Variants in BCOR observed in about 807,000 individuals in gnomAD.
The protein encoded by BCOR is BCL6 corepressor, also known as BCL-6 corepressor.
Under a neutral mutation model 86.7 loss-of-function variants are expected in BCOR, and 10 were observed. That is an observed-to-expected ratio of 0.12 (90% CI 0.07 to 0.20). The LOEUF is 0.20. Ranked by LOEUF, BCOR falls within the 10% of genes least tolerant of loss-of-function variation. BCOR has a pLI of 1.00. For missense variants in BCOR, 1,259 were observed against 1,452.1 expected, an observed-to-expected ratio of 0.87 and a Z score of 2.16; for synonymous variants, 611 against 609.0, an observed-to-expected ratio of 1.00 and a Z score of -0.05.
chrX:40,113,287 G>T (rs1473356924), intron 1 of BCOR, among the ~76,000 whole-genome samples: 3 of 107,032 alleles, frequency 2.8e-5, no homozygotes, highest in African/African-American at 6.8e-5. Flanking sequence ...CACGCCTGTA[G>T]TCCCAGCTAC....
At chrX:40,125,647 C>T (rs1426210215) in intron 1 of BCOR, among the ~76,000 whole-genome samples, 1 of 112,218 alleles carries the variant, frequency 8.9e-6, no homozygotes, top group Non-Finnish European at 1.9e-5. Context: ...CCACCTGAAG[C>T]CCCAAACATT....
chrX:40,113,748 C>T (rs759260431), intron 1 of BCOR, among the ~76,000 whole-genome samples: 1 of 109,873 alleles, frequency 9.1e-6, no homozygotes, highest in Non-Finnish European at 1.9e-5. Context: ...GTGCTCACCA[C>T]ATATTGATGA....
At chrX:40,160,847 TG>T (rs1938401761) in intron 1 of BCOR, among the ~76,000 whole-genome samples, 2 of 103,981 alleles carry the variant, frequency 1.9e-5, no homozygotes, top group African/African-American at 7.0e-5. Context: ...TTTTTTTTTT[TG>T]TATTTTAGTA....
intron 14 of BCOR, among the ~76,000 whole-genome samples, 155 bp from the exon 15 acceptor site, chrX:40,052,555 A>ATTTT (rs1314879202): frequency 2.1e-5 from 1 of 47,778 alleles, no homozygotes; most frequent in African/African-American, 8.3e-5. Context: ...TCTGATCACC[A>ATTTT]TTTTTTTTTT....
intron 1 of BCOR, among the ~76,000 whole-genome samples, chrX:40,080,333 C>T (rs753341643): frequency 9.0e-4 from 99 of 110,501 alleles, no homozygotes; most frequent in Middle Eastern, 4.6e-3. Context: ...CCCAGCTACT[C>T]GGGAGGCTGA....
chrX:40,109,140 G>A (rs1336325730), intron 1 of BCOR, among the ~76,000 whole-genome samples: 1 of 112,068 alleles, frequency 8.9e-6, no homozygotes, highest in African/African-American at 3.2e-5. Flanking sequence ...CCCGGGCTGC[G>A]CGCCAAGAGG....
rs1569182584 is a variant in BCOR at position 40,110,661 on chromosome X, C to CTTTTTTTTTTTTTTTTTTTT, written c.-40-32693_-40-32692insAAAAAAAAAAAAAAAAAAAA. Among the ~76,000 whole-genome samples, 3 of 24,672 alleles carry CTTTTTTTTTTTTTTTTTTTT rather than the reference C, an allele frequency of 1.2e-4. 1 individual carries two copies. The highest frequency in any genetic ancestry group is 1.3e-3 in the Admixed American group (2 of 1,582). The allele number at this position is 24,672 out of a possible 115,157, so 21.4% of individuals were successfully genotyped here. A position where few individuals can be genotyped will look rare whatever the true frequency, so the allele number is the denominator to read the frequency against. ...TTTCTTTTCTTTTTTTTCTTTTTTC[C>CTTTTTTTTTTTTTTTTTTTT]TTTTTCTTTTTTTTTTTTTTTTTTT... On this transcript the variant is annotated intron_variant, in intron 1 of 14. Coordinates refer to the BCOR transcript ENST00000342274.
intron 1 of BCOR, among the ~76,000 whole-genome samples, chrX:40,108,319 C>T (rs917952107): frequency 8.8e-6 from 1 of 113,215 alleles, no homozygotes; most frequent in Non-Finnish European, 1.9e-5. Context: ...TCCCCGGCGA[C>T]CCCCGCTCTC....
chrX:40,117,259 G>C (rs938145642), intron 1 of BCOR, among the ~76,000 whole-genome samples: 2 of 111,496 alleles, frequency 1.8e-5, no homozygotes, highest in Non-Finnish European at 3.8e-5. Flanking sequence ...CCCTGAAAGC[G>C]TCCCAGGTGT....
At position 40,146,228 on chromosome X, in the gene BCOR, TCCGCTCCCGCGGAGGCGCGGAG is replaced by T. The variant is rs749620860; in HGVS notation, c.-41+30757_-41+30778del. On this transcript the variant is annotated intron_variant, in intron 1 of 14. Transcript: ENST00000342274. The stretch of plus-strand genomic sequence containing the variant: ...TGGGCGCGGAGGCGGGGCGCGGGGC[TCCGCTCCCGCGGAGGCGCGGAG>T]CCGGGGCTGGGGAGCCCGGTGCCTC... 9.9e-4 allele frequency among the ~76,000 whole-genome samples: 110 copies of T among 111,125 alleles called. 4 individuals are homozygous for T. In the East Asian group the frequency reaches 0.019, roughly 20 times the overall value.
intron 1 of BCOR, among the ~76,000 whole-genome samples, chrX:40,139,456 C>T (rs4073689): frequency 0.047 from 32 of 681 alleles, 4 homozygotes; most frequent in South Asian, 0.17. Flanking sequence ...AATATATATA[C>T]ATATATATAT....
chrX:40,140,514 G>A (rs1937899637), intron 1 of BCOR, among the ~76,000 whole-genome samples: 1 of 111,885 alleles, frequency 8.9e-6, no homozygotes, highest in Non-Finnish European at 1.9e-5. Flanking sequence ...TATGCCTGAG[G>A]AGTAATACCA....
intron 6 of BCOR, 95 bp from the exon 7 acceptor site, chrX:40,064,694 T>G: frequency 2.0e-6 from 2 of 991,180 alleles, no homozygotes; most frequent in South Asian, 4.2e-5. Context: ...ATGCCCAAGG[T>G]AATCTGCTAT....
Position 40,063,677 on chromosome X carries a change from T to C in BCOR, c.3778A>G (p.Lys1260Glu). The change falls in exon 8 of 15, where the codon AAA becomes GAA. Residue 1260 changes from lysine (K) to glutamate (E), a missense_variant. Physicochemically the swap from Lys to Glu is moderately conservative, Grantham distance 56. Coordinates refer to ENST00000378444, the MANE Select transcript of BCOR (RefSeq NM_001123385.2). The part of the protein sequence containing the change: ...TNITEEKPGR[K>E]RAEAKGNRSW... The stretch of plus-strand genomic sequence containing the variant: ...CTGTTGCCTTTGGCCTCTGCCCTTT[T>C]CCTGCCAGGTTTCTCTTCAGTGATG... The C allele has an allele frequency of 8.3e-7, 1 of 1,211,608 alleles. No individual in the cohort carries two copies. The highest frequency in any genetic ancestry group is 1.1e-6 in the Non-Finnish European group (1 of 895,352).
At chrX:40,151,306 G>GA (rs763011525) in intron 1 of BCOR, among the ~76,000 whole-genome samples, 1 of 112,431 alleles carries the variant, frequency 8.9e-6, no homozygotes, top group Non-Finnish European at 1.9e-5. Flanking sequence ...AGGGAGGGGG[G>GA]ATCTTTCTGC....
chrX:40,064,242 G>A (rs980762088), intron 7 of BCOR, 94 bp downstream of exon 7: 42 of 1,141,851 alleles, frequency 3.7e-5, no homozygotes, highest in Middle Eastern at 3.2e-4. Flanking sequence ...GTCTACGGGG[G>A]CAGCGCGCCG....
intron 1 of BCOR, among the ~76,000 whole-genome samples, chrX:40,136,042 A>G (rs754079744): frequency 8.9e-6 from 1 of 112,003 alleles, no homozygotes; most frequent in Non-Finnish European, 1.9e-5. Context: ...CACCGATGTC[A>G]GGCCACATGA....
intron 2 of BCOR, chrX:40,077,550 CATTT>C: frequency 2.9e-6 from 1 of 344,421 alleles, no homozygotes; most frequent in Non-Finnish European, 5.1e-6. Context: ...ACACTCCTGA[CATTT>C]AGAGTTAAAG....
At chrX:40,111,337 T>C (rs1569182789) in intron 1 of BCOR, among the ~76,000 whole-genome samples, 2 of 111,845 alleles carry the variant, frequency 1.8e-5, no homozygotes, top group African/African-American at 6.5e-5. Flanking sequence ...GGTTCCCTAT[T>C]TATCTGTTTC....
Sources: gnomAD v4.1 joint callset for allele counts (sites outside exome capture counted in the v4.1 genomes callset) on GRCh38, gnomAD v4.1.1 for gene constraint, MANE v1.5 for transcripts, NCBI Gene and HGNC (gene_info 2026-07-23, HGNC 2026-07-21) for gene names.